Variants in BIRC2 observed in about 807,000 individuals in gnomAD.
BIRC2 encodes the protein baculoviral IAP repeat containing 2.
In BIRC2, 18 loss-of-function variants were observed where a neutral mutation model predicts 60.9. That is an observed-to-expected ratio of 0.30 (90% CI 0.20 to 0.44). The LOEUF (loss-of-function observed/expected upper bound fraction) is 0.44, where lower values mean the gene tolerates loss of function less well. BIRC2 is among the 20% of genes least tolerant of loss of function. BIRC2 has a pLI of 1.00. For missense variants in BIRC2, 701 were observed against 728.5 expected (o/e 0.96, Z 0.43); for synonymous variants, 282 against 247.7 (o/e 1.14, Z -1.30).
At chr11:102,363,757 A>G (rs751625443) in intron 5 of BIRC2, 41 bp downstream of exon 5, 2 of 1,546,394 alleles carry the variant, frequency 1.3e-6, no homozygotes, top group Non-Finnish European at 1.8e-6. Flanking sequence ...GTAAATTTTT[A>G]TAAGAATTTT....
At chr11:102,372,517 C>G (rs1383340465) in intron 6 of BIRC2, among the ~76,000 whole-genome samples, 1 of 151,970 alleles carries the variant, frequency 6.6e-6, no homozygotes, top group East Asian at 1.9e-4. Context: ...TTTGATTGCA[C>G]TGTGGTCTGA....
intron 3 of BIRC2, among the ~76,000 whole-genome samples, chr11:102,362,547 TTAA>T (rs1376393374): frequency 6.6e-6 from 1 of 152,112 alleles, no homozygotes; most frequent in African/African-American, 2.4e-5. Context: ...GAATACTGAG[TTAA>T]TAGTATCTGA....
chr11:102,367,397 G>A (rs1951565741), intron 5 of BIRC2, among the ~76,000 whole-genome samples: 3 of 151,342 alleles, frequency 2.0e-5, no homozygotes, highest in Non-Finnish European at 2.9e-5. Flanking sequence ...CAAGGCATGC[G>A]CTTAAAAATG....
chr11:102,366,815 GTTGCA>G lies in BIRC2; in HGVS notation c.1124-1489_1124-1485del, dbSNP rs1951557940. Among the ~76,000 whole-genome samples the G allele has an allele frequency of 2.0e-5, 3 of 152,164 alleles. No homozygotes were observed. In the South Asian group the frequency reaches 6.2e-4, roughly 31 times the overall value. On this transcript the variant is annotated intron_variant, in intron 5 of 8. Transcript: ENST00000227758. The stretch of plus-strand genomic sequence containing the variant: ...TGAAAACACAAGTCAAGTTTTATCA[GTTGCA>G]TGCTTGAAACACTCCTAGAATATTC...
rs1162358034 is a variant in BIRC2 at position 102,350,613 on chromosome 11, T to G, written c.759T>G (p.Ser253=). 6.2e-7 allele frequency: 1 copy of G among 1,614,068 alleles called. No homozygotes were observed. Among genetic ancestry groups the G allele is most frequent in the Non-Finnish European group, 8.5e-7 (1 of 1,180,038 alleles). The part of the protein sequence containing the change: ...HFPNCPFLEN[S]LETLRFSISN... ...CCAACTGTCCATTTTTGGAAAATTC[T>G]CTAGAAACTCTGAGGTTTAGCATTT... Residue 253 remains serine (S), a synonymous_variant, in exon 2 of 9, where the codon TCT becomes TCG. Coordinates refer to ENST00000227758, the MANE Select transcript of BIRC2 (RefSeq NM_001166.5).
At chr11:102,362,142 CAAAT>C (rs1433928565) in intron 3 of BIRC2, among the ~76,000 whole-genome samples, 8 of 152,114 alleles carry the variant, frequency 5.3e-5, no homozygotes, top group Admixed American at 2.0e-4. Flanking sequence ...AATGTAAAGA[CAAAT>C]AAAGACAAGG....
chr11:102,350,554 G>C lies in BIRC2; in HGVS notation c.700G>C (p.Asp234His), dbSNP rs1951346924. The C allele has an allele frequency of 1.2e-6, 2 of 1,614,070 alleles. No individual in the cohort carries two copies. The highest frequency in any genetic ancestry group is 1.3e-5 in the African/African-American group (1 of 74,938). The change falls in exon 2 of 9, where the codon GAT (aspartate) becomes CAT (histidine). Residue 234 changes from aspartate to histidine, a missense_variant. Around this residue, in one of 4 missense-constraint regions of BIRC2, gnomAD observed 375 missense variants for 365.9 expected, o/e 1.02. Coordinates refer to ENST00000227758, the MANE Select transcript of BIRC2 (RefSeq NM_001166.5). The part of the protein sequence containing the change: ...GGKLSNWEPK[D>H]DAMSEHRRHF... The stretch of plus-strand genomic sequence containing the variant: ...GAAGCTCAGTAACTGGGAACCAAAG[G>C]ATGATGCTATGTCAGAACACCGGAG...
intron 3 of BIRC2, among the ~76,000 whole-genome samples, chr11:102,362,325 T>G (rs1285261372): frequency 6.6e-6 from 1 of 152,196 alleles, no homozygotes; most frequent in Non-Finnish European, 1.5e-5. Flanking sequence ...AGAATAGATA[T>G]AGATGGTATG....
intron 3 of BIRC2, among the ~76,000 whole-genome samples, chr11:102,358,735 T>C (rs551319075): frequency 1.3e-5 from 2 of 152,228 alleles, no homozygotes; most frequent in Non-Finnish European, 2.9e-5. Flanking sequence ...TTTCTCTGAC[T>C]CTTTTTACAG....
At chr11:102,374,523 GT>G (rs1209231370) in intron 6 of BIRC2, among the ~76,000 whole-genome samples, 2 of 150,876 alleles carry the variant, frequency 1.3e-5, no homozygotes, top group African/African-American at 2.4e-5. Flanking sequence ...CAGTCTGCCG[GT>G]TCTCAGATCT....
rs762676337 is a variant in BIRC2, at chr11:102,349,825, T to A, written c.-30T>A. On this transcript the variant is annotated 5_prime_UTR_variant, in exon 2 of 9. Coordinates refer to ENST00000227758, the MANE Select transcript of BIRC2 (RefSeq NM_001166.5). ...TGTGAAGAAATTTCATGTGAATGTT[T>A]TAGCTATCAAACAGTACTGTCACCT... The A allele has an allele frequency of 6.5e-7, 1 of 1,527,756 alleles. No homozygotes were observed. The highest frequency in any genetic ancestry group is 1.4e-5 in the African/African-American group (1 of 71,940). 94.6% of individuals were successfully genotyped at this position (1,527,756 alleles called of 1,614,324 possible).
intron 3 of BIRC2, among the ~76,000 whole-genome samples, chr11:102,355,327 G>A (rs939564822): frequency 2.6e-5 from 4 of 152,034 alleles, no homozygotes; most frequent in African/African-American, 4.8e-5. Context: ...ACATAAAAAC[G>A]GTGTTGGATA....
rs905353089 is a variant in BIRC2 at position 102,369,081 on chromosome 11, A to G, written c.1366+533A>G. On this transcript the variant is annotated intron_variant, in intron 6 of 8. Transcript: ENST00000227758. The stretch of plus-strand genomic sequence containing the variant: ...GGAAAACTGATTTTTGTATTCGTCC[A>G]GATAGTATTAAGTCTCGGCCTCTCA... Among the ~76,000 whole-genome samples, 31 of 152,272 alleles carry G rather than the reference A, an allele frequency of 2.0e-4. 1 individual carries two copies. Among genetic ancestry groups the G allele is most frequent in the Non-Finnish European group, 3.5e-4 (24 of 68,000 alleles).
intron 3 of BIRC2, 50 bp downstream of exon 3, chr11:102,350,993 A>G (rs368256686): frequency 3.2e-6 from 5 of 1,552,808 alleles, no homozygotes; most frequent in Non-Finnish European, 3.5e-6. Flanking sequence ...TGCTTAAAAG[A>G]AGTAGGCATG....
intron 3 of BIRC2, among the ~76,000 whole-genome samples, chr11:102,357,531 A>G (rs575958111): frequency 1.3e-5 from 2 of 152,226 alleles, no homozygotes; most frequent in Admixed American, 6.5e-5. Flanking sequence ...ATAAATTACA[A>G]GTTTCTAGGA....
intron 3 of BIRC2, among the ~76,000 whole-genome samples, chr11:102,359,817 T>G (rs533501901): frequency 3.9e-5 from 6 of 152,280 alleles, no homozygotes; most frequent in South Asian, 2.1e-4. Context: ...CAGTGAAGTC[T>G]TCTTTGGGTT....
chr11:102,352,353 ATCCACCCACC>A (rs1951373158), intron 3 of BIRC2, among the ~76,000 whole-genome samples: 1 of 151,626 alleles, frequency 6.6e-6, no homozygotes, highest in Non-Finnish European at 1.5e-5. Context: ...TGACCTCGTG[ATCCACCCACC>A]TCAGCCTCCC....
At chr11:102,372,342 G>A (rs1951642526) in intron 6 of BIRC2, among the ~76,000 whole-genome samples, 2 of 152,166 alleles carry the variant, frequency 1.3e-5, no homozygotes, top group Admixed American at 6.5e-5. Context: ...TGCTTTGAAT[G>A]TGTCCCAGAG....
intron 5 of BIRC2, among the ~76,000 whole-genome samples, chr11:102,364,431 A>C (rs915112457): frequency 6.6e-6 from 1 of 152,076 alleles, no homozygotes. Flanking sequence ...GAAAACGTCA[A>C]TTCACATATG....
Sources: gnomAD v4.1 joint callset for allele counts (sites outside exome capture counted in the v4.1 genomes callset) on GRCh38, gnomAD v4.1.1 for gene constraint, gnomAD v4.1.1 regional missense constraint, MANE v1.5 for transcripts, NCBI Gene and HGNC (gene_info 2026-07-23, HGNC 2026-07-21) for gene names.